SYNPO2: variants seen among roughly 807,000 people sequenced by gnomAD.
SYNPO2 encodes synaptopodin-2.
A neutral mutation model predicts 85.0 loss-of-function variants in SYNPO2; 56 were observed. The observed-to-expected ratio is 0.66, with a 90% CI of 0.53 to 0.82. SYNPO2 has a LOEUF of 0.82. SYNPO2 is among the 40% of genes least tolerant of loss of function. SYNPO2 has a pLI of 0.00. For missense variants in SYNPO2, 1,575 were observed against 1,534.2 expected (o/e 1.03, Z -0.44); for synonymous variants, 602 against 591.1 (o/e 1.02, Z -0.27).
chr4:118,936,330 T>C (rs1734100484), intron 1 of SYNPO2, among the ~76,000 whole-genome samples: 1 of 152,188 alleles, frequency 6.6e-6, no homozygotes, highest in South Asian at 2.1e-4. Flanking sequence ...TTTAATGTAT[T>C]TAATATTTAT....
chr4:118,910,805 A>T (rs1023434777), intron 1 of SYNPO2, among the ~76,000 whole-genome samples: 1 of 152,148 alleles, frequency 6.6e-6, no homozygotes, highest in Non-Finnish European at 1.5e-5. Context: ...CTTGTTTCTT[A>T]TTTATGTACC....
At chr4:118,958,175 T>G (rs1203631659) in intron 1 of SYNPO2, among the ~76,000 whole-genome samples, 1 of 151,024 alleles carries the variant, frequency 6.6e-6, no homozygotes, top group African/African-American at 2.5e-5. Flanking sequence ...GTTTTCATCC[T>G]TCTCACATCT....
At chr4:119,048,110 T>C (rs1561027707) in intron 4 of SYNPO2, among the ~76,000 whole-genome samples, 1 of 152,224 alleles carries the variant, frequency 6.6e-6, no homozygotes, top group Non-Finnish European at 1.5e-5. Context: ...TATTTGAACC[T>C]TAAAAATCTT....
At chr4:118,950,809 T>C (rs1472068630) in intron 1 of SYNPO2, among the ~76,000 whole-genome samples, 1 of 152,188 alleles carries the variant, frequency 6.6e-6, no homozygotes, top group East Asian at 1.9e-4. Flanking sequence ...AAAACAGGGT[T>C]TTATAGTTAA....
chr4:119,014,582 G>A (rs952943830), intron 1 of SYNPO2, among the ~76,000 whole-genome samples: 1 of 151,832 alleles, frequency 6.6e-6, no homozygotes, highest in South Asian at 2.1e-4. Flanking sequence ...TCTTATTTTT[G>A]ATATCTAACA....
intron 1 of SYNPO2, among the ~76,000 whole-genome samples, chr4:118,999,550 A>G (rs897121484): frequency 2.6e-5 from 4 of 152,212 alleles, no homozygotes; most frequent in Non-Finnish European, 5.9e-5. Flanking sequence ...AGAGAGATAC[A>G]GGTGCATACC....
intron 1 of SYNPO2, among the ~76,000 whole-genome samples, chr4:118,867,530 A>G (rs1731722638): frequency 6.6e-6 from 1 of 150,904 alleles, no homozygotes; most frequent in African/African-American, 2.4e-5. Context: ...GCAAAAGTGT[A>G]ATTATTTGTT....
At chr4:118,898,755 G>A (rs1339906567) in intron 1 of SYNPO2, among the ~76,000 whole-genome samples, 1 of 152,180 alleles carries the variant, frequency 6.6e-6, no homozygotes, top group East Asian at 1.9e-4. Context: ...TGTGGCACAT[G>A]AAGCTCTCTG....
At position 119,029,884 on chromosome 4, in the gene SYNPO2, A is replaced by C. The variant is rs1244940734; in HGVS notation, c.1109A>C (p.Lys370Thr). Residue 370 changes from lysine (K) to threonine (T), a missense_variant, in exon 4 of 5, where the codon AAG becomes ACG. Physicochemically the swap from Lys to Thr is moderately conservative, Grantham distance 78. This residue lies in a region of SYNPO2 where 1,508 missense variants were observed against 1,446.8 expected (regional missense o/e 1.04). Coordinates refer to ENST00000307142, the MANE Select transcript of SYNPO2 (RefSeq NM_133477.3). ...GAAAGCCTGTCAGAAAAACAAGTGA[A>C]GGAAGCAAAATCTAAATGCAAAAGC... Reference protein sequence around the residue: ...RSESLSEKQVKEAKSKCKSIA... With the variant: ...RSESLSEKQVTEAKSKCKSIA... The C allele has an allele frequency of 4.4e-6, 7 of 1,603,002 alleles. No homozygotes were observed. Among genetic ancestry groups the C allele is most frequent in the South Asian group, 1.1e-5 (1 of 90,264 alleles).
At chr4:118,884,080 G>T (rs1458503933), upstream of SYNPO2, among the ~76,000 whole-genome samples, 1 of 152,140 alleles carries the variant, frequency 6.6e-6, no homozygotes, top group Non-Finnish European at 1.5e-5. Context: ...ACAGCTAGGG[G>T]GCACTGAGCT....
At chr4:118,949,729 A>G (rs1443697432) in intron 1 of SYNPO2, among the ~76,000 whole-genome samples, 2 of 152,006 alleles carry the variant, frequency 1.3e-5, no homozygotes, top group African/African-American at 2.4e-5. Context: ...AGCCTGGGCG[A>G]CAGAGCAAGA....
Position 118,889,003 on chromosome 4 carries a change from C to T in SYNPO2, c.-34C>T. ...CGCACCCAAGCTTCGTCTGTCTCGTCAAGCTCTTCATGCTGCCCAACTAAA... is the reference window on the plus strand; with the variant it reads ...CGCACCCAAGCTTCGTCTGTCTCGTTAAGCTCTTCATGCTGCCCAACTAAA... On this transcript the variant is annotated 5_prime_UTR_variant, in exon 1 of 5. Transcript: ENST00000307142. 6.2e-7 allele frequency: 1 copy of T among 1,608,564 alleles called. No individual in the cohort carries two copies. Among genetic ancestry groups the T allele is most frequent in the Non-Finnish European group, 8.5e-7 (1 of 1,175,434 alleles).
intron 1 of SYNPO2, among the ~76,000 whole-genome samples, chr4:118,928,710 T>C (rs1262940539): frequency 6.6e-6 from 1 of 152,184 alleles, no homozygotes; most frequent in African/African-American, 2.4e-5. Context: ...GTTAGCCTGT[T>C]TATTAGAGTG....
At chr4:119,020,717 A>T (rs1578649293) in intron 1 of SYNPO2, among the ~76,000 whole-genome samples, 1 of 152,182 alleles carries the variant, frequency 6.6e-6, no homozygotes. Context: ...CCTCAAAAGT[A>T]TCCTGTATTA....
chr4:118,876,695 TTCTTTCTTTCTTTCTTTC>T, intron 1 of SYNPO2, among the ~76,000 whole-genome samples: 1 of 108,390 alleles, frequency 9.2e-6, no homozygotes. Context: ...CTTTCTTTCT[TTCTTTCTTTCTTTCTTTC>T]TTTCTTTCTT....
At chr4:118,962,763 A>C (rs1345368749) in intron 1 of SYNPO2, among the ~76,000 whole-genome samples, 1 of 152,170 alleles carries the variant, frequency 6.6e-6, no homozygotes, top group African/African-American at 2.4e-5. Flanking sequence ...CATGTTTGGA[A>C]ATGGTTCCTT....
At chr4:119,027,476 T>C (rs1300289006) in intron 3 of SYNPO2, 38 bp downstream of exon 3, 2 of 1,482,802 alleles carry the variant, frequency 1.3e-6, no homozygotes, top group African/African-American at 1.4e-5. Flanking sequence ...GGCTTGGGAG[T>C]TGGGGGCATT....
intron 1 of SYNPO2, among the ~76,000 whole-genome samples, chr4:118,919,679 T>C (rs1402538155): frequency 1.3e-5 from 2 of 152,102 alleles, no homozygotes; most frequent in Admixed American, 6.6e-5. Context: ...TCGGAAAGTT[T>C]TCTAGAAGGT....
At chr4:119,028,222 G>GTTTTT (rs11317450) in intron 3 of SYNPO2, among the ~76,000 whole-genome samples, 2 of 135,470 alleles carry the variant, frequency 1.5e-5, no homozygotes, top group Admixed American at 7.3e-5. Flanking sequence ...ATTTTTGTTT[G>GTTTTT]TTTTTTTTTT....
Sources: allele counts gnomAD v4.1 joint callset (sites outside exome capture counted in the v4.1 genomes callset), GRCh38; gene constraint gnomAD v4.1.1; regional missense constraint gnomAD v4.1.1; transcripts MANE v1.5; gene names NCBI Gene and HGNC (gene_info 2026-07-23, HGNC 2026-07-21).